Variants in AGMO observed in about 807,000 individuals in gnomAD.
AGMO encodes alkylglycerol monooxygenase.
Under a neutral mutation model 60.2 loss-of-function variants are expected in AGMO, and 75 were observed. The ratio of observed to expected loss-of-function variants is 1.25; its 90% CI spans 1.03 to 1.51. The LOEUF (loss-of-function observed/expected upper bound fraction) is 1.51. Ranked by LOEUF, AGMO falls within the 40% of genes most tolerant of loss-of-function variation. AGMO has a pLI of 0.00. For synonymous variants in AGMO, 261 were observed against 177.1 expected (o/e 1.47, Z -3.76); for missense variants, 763 against 525.5 (o/e 1.45, Z -4.42).
intron 12 of AGMO, among the ~76,000 whole-genome samples, chr7:15,313,921 TTG>T (rs896921800): frequency 1.3e-5 from 2 of 151,862 alleles, no homozygotes; most frequent in Admixed American, 6.6e-5. Context: ...ACCCTTCTGC[TTG>T]TGTTGATGTG....
chr7:15,148,826 G>T, the AGMO span, among the ~76,000 whole-genome samples: 1 of 152,188 alleles, frequency 6.6e-6, no homozygotes, highest in East Asian at 1.9e-4. Flanking sequence ...ATATTTTGGG[G>T]AGTATATACC....
At chr7:15,435,351 G>C (rs778551717) in intron 3 of AGMO, among the ~76,000 whole-genome samples, 16 of 151,236 alleles carry the variant, frequency 1.1e-4, no homozygotes, top group Admixed American at 2.0e-4. Flanking sequence ...GTGTGTGAGA[G>C]TTCAAGTTGC....
chr7:15,546,236 T>G (rs1784780096), intron 2 of AGMO, among the ~76,000 whole-genome samples: 1 of 152,176 alleles, frequency 6.6e-6, no homozygotes, highest in African/African-American at 2.4e-5. Flanking sequence ...GACTGTCTTA[T>G]AACAGCATTA....
At chr7:15,350,147 T>TC (rs1782187692) in intron 12 of AGMO, among the ~76,000 whole-genome samples, 1 of 152,168 alleles carries the variant, frequency 6.6e-6, no homozygotes, top group Admixed American at 6.5e-5. Flanking sequence ...TCCAGTTTTT[T>TC]CTCCATTTCA....
chr7:15,372,162 A>AC (rs5882501), intron 10 of AGMO, among the ~76,000 whole-genome samples: 84,597 of 151,810 alleles, frequency 0.56, 24,124 homozygotes, highest in African/African-American at 0.66. Flanking sequence ...TCTAAAGTCT[A>AC]ACATGCGGCT....
At chr7:15,168,303 G>T in the AGMO span, among the ~76,000 whole-genome samples, 1 of 152,122 alleles carries the variant, frequency 6.6e-6, no homozygotes, top group Non-Finnish European at 1.5e-5. Flanking sequence ...TGCAACAGAA[G>T]TAAAGAATCA....
intron 12 of AGMO, among the ~76,000 whole-genome samples, chr7:15,256,180 G>C (rs1783093112): frequency 6.6e-6 from 1 of 152,194 alleles, no homozygotes; most frequent in South Asian, 2.1e-4. Flanking sequence ...AAACGAGAGT[G>C]TTCAGGTAGG....
intron 3 of AGMO, among the ~76,000 whole-genome samples, chr7:15,436,292 C>G (rs1781402598): frequency 6.7e-6 from 1 of 148,340 alleles, no homozygotes; most frequent in Non-Finnish European, 1.5e-5. Flanking sequence ...AGTCCCTGTG[C>G]AAGTCCAAGA....
intron 12 of AGMO, among the ~76,000 whole-genome samples, chr7:15,286,490 C>A (rs936699154): frequency 6.6e-6 from 1 of 152,028 alleles, no homozygotes; most frequent in African/African-American, 2.4e-5. Flanking sequence ...CATCACTAAT[C>A]ATCAAGAAAA....
intron 4 of AGMO, among the ~76,000 whole-genome samples, chr7:15,429,798 A>T (rs564020859): frequency 4.6e-5 from 7 of 152,138 alleles, no homozygotes; most frequent in Admixed American, 1.3e-4. Context: ...ATCTGGTTTC[A>T]AGTACTTGGC....
At chr7:15,165,250 A>G in the AGMO span, among the ~76,000 whole-genome samples, 1 of 152,072 alleles carries the variant, frequency 6.6e-6, no homozygotes, top group Non-Finnish European at 1.5e-5. Context: ...GAGGGAGAGA[A>G]TAAGGGTTGA....
rs398003765 is a variant in AGMO, at chr7:15,359,291, C to CAAA, written c.1263+6220_1263+6222dup. Among the ~76,000 whole-genome samples the CAAA allele has an allele frequency of 4.2e-3, 482 of 115,106 alleles. 3 individuals carry two copies. Among genetic ancestry groups the CAAA allele is most frequent in the African/African-American group, 0.011 (362 of 32,766 alleles). 75.5% of individuals were successfully genotyped at this position (115,106 alleles called of 152,430 possible). A position where few individuals can be genotyped will look rare whatever the true frequency, so the allele number is the denominator to read the frequency against. ...GCAACAGAGCAAGACTCCGTCTCAA[C>CAAA]AAAAAAAAAAAAAAAAGAAATTAGA... On this transcript the variant is annotated intron_variant, in intron 12 of 12. Coordinates refer to ENST00000342526, the MANE Select transcript of AGMO (RefSeq NM_001004320.2).
At chr7:15,204,797 T>TA in intron 12 of AGMO, among the ~76,000 whole-genome samples, 1 of 152,298 alleles carries the variant, frequency 6.6e-6, no homozygotes, top group African/African-American at 2.4e-5. Flanking sequence ...TAATCCATAT[T>TA]AAAATTTTAA....
At chr7:15,281,780 AATT>A (rs1461501930) in intron 12 of AGMO, among the ~76,000 whole-genome samples, 1 of 152,156 alleles carries the variant, frequency 6.6e-6, no homozygotes, top group East Asian at 1.9e-4. Flanking sequence ...CCAGTAAATA[AATT>A]ATTGAGGGGA....
chr7:15,251,259 G>T (rs1782927216), intron 12 of AGMO, among the ~76,000 whole-genome samples: 1 of 152,058 alleles, frequency 6.6e-6, no homozygotes, highest in African/African-American at 2.4e-5. Flanking sequence ...GAGCCAATTA[G>T]ATACCCTCCT....
intron 8 of AGMO, among the ~76,000 whole-genome samples, chr7:15,387,789 G>A (rs1011673532): frequency 2.0e-5 from 3 of 152,006 alleles, no homozygotes; most frequent in Non-Finnish European, 4.4e-5. Flanking sequence ...TGTAAAAACA[G>A]GGCAATTGTT....
chr7:15,187,904 C>CT, the AGMO span, among the ~76,000 whole-genome samples: 2 of 151,502 alleles, frequency 1.3e-5, no homozygotes, highest in African/African-American at 4.8e-5. Context: ...TTAACTCCCC[C>CT]CCGACTGCCC....
chr7:15,199,747 C>A (rs1781226318), downstream of AGMO, among the ~76,000 whole-genome samples: 1 of 152,046 alleles, frequency 6.6e-6, no homozygotes, highest in South Asian at 2.1e-4. Flanking sequence ...AAGCAGGATT[C>A]AATATATGTT....
intron 3 of AGMO, among the ~76,000 whole-genome samples, chr7:15,479,775 T>C (rs1245370317): frequency 1.3e-5 from 2 of 152,164 alleles, no homozygotes; most frequent in Non-Finnish European, 2.9e-5. Context: ...TGGGCTCTGC[T>C]CTTTGAGCAT....
Sources: allele counts gnomAD v4.1 joint callset (sites outside exome capture counted in the v4.1 genomes callset), GRCh38; gene constraint gnomAD v4.1.1; transcripts MANE v1.5; gene names NCBI Gene and HGNC (gene_info 2026-07-23, HGNC 2026-07-21).